LRMDA: variants seen among roughly 807,000 people sequenced by gnomAD.
LRMDA encodes leucine-rich melanocyte differentiation-associated protein.
In LRMDA, 18 loss-of-function variants were observed where a neutral mutation model predicts 29.8. That is an observed-to-expected ratio of 0.60 (90% confidence interval 0.42 to 0.90). The LOEUF is 0.90. LRMDA is among the 40% of genes least tolerant of loss of function. The pLI is 0.00. For synonymous variants in LRMDA, 125 were observed against 109.4 expected, an observed-to-expected ratio of 1.14 and a Z score of -0.89; for missense variants, 273 against 273.9, an observed-to-expected ratio of 1.00 and a Z score of 0.02.
At chr10:75,536,798 G>C (rs1839955867) in intron 2 of LRMDA, among the ~76,000 whole-genome samples, 1 of 152,044 alleles carries the variant, frequency 6.6e-6, no homozygotes, top group Admixed American at 6.6e-5. Flanking sequence ...AGCCTCAAGT[G>C]ATCCTCTTGT....
chr10:76,290,543 C>T (rs927565848), intron 5 of LRMDA, among the ~76,000 whole-genome samples: 16 of 151,456 alleles, frequency 1.1e-4, no homozygotes, highest in Non-Finnish European at 1.6e-4. Context: ...GTGCCTCAGC[C>T]TCCCCAGTAG....
intron 6 of LRMDA, among the ~76,000 whole-genome samples, chr10:76,518,569 C>A (rs2132358580): frequency 6.6e-6 from 1 of 152,086 alleles, no homozygotes; most frequent in Non-Finnish European, 1.5e-5. Flanking sequence ...TAAAAAACTC[C>A]TGCAACTAAA....
At chr10:76,112,694 G>A (rs1201968528) in intron 5 of LRMDA, among the ~76,000 whole-genome samples, 3 of 74 alleles carry the variant, frequency 0.041, no homozygotes, top group African/African-American at 0.05. Context: ...AGGTAGGTCC[G>A]GCTCCCGGAG....
intron 2 of LRMDA, among the ~76,000 whole-genome samples, chr10:75,667,847 T>C (rs1841842683): frequency 6.6e-6 from 1 of 152,248 alleles, no homozygotes; most frequent in South Asian, 2.1e-4. Context: ...CTGTTCATTC[T>C]TTAAAGCAGA....
chr10:76,221,153 A>G (rs4746378), intron 5 of LRMDA, among the ~76,000 whole-genome samples: 11,725 of 151,934 alleles, frequency 0.077, 1,460 homozygotes, highest in African/African-American at 0.26. Context: ...TGACAAACCC[A>G]CAGCCAATAT....
intron 5 of LRMDA, among the ~76,000 whole-genome samples, chr10:76,208,800 C>T (rs1851584060): frequency 6.6e-6 from 1 of 152,166 alleles, no homozygotes; most frequent in Non-Finnish European, 1.5e-5. Flanking sequence ...TTTCACCACA[C>T]TCTGCTCAGT....
chr10:75,799,624 C>CCTGCCT (rs1369851123), intron 2 of LRMDA, among the ~76,000 whole-genome samples: 1 of 151,374 alleles, frequency 6.6e-6, no homozygotes, highest in East Asian at 1.9e-4. Context: ...AAGTGATTCT[C>CCTGCCT]CTGCCTCAGC....
chr10:76,308,247 T>A (rs1450550665), intron 5 of LRMDA, among the ~76,000 whole-genome samples: 1 of 152,146 alleles, frequency 6.6e-6, no homozygotes, highest in Non-Finnish European at 1.5e-5. Context: ...TTAAATACTG[T>A]CTTTATTATG....
chr10:76,456,770 C>A (rs1842460792), intron 6 of LRMDA, among the ~76,000 whole-genome samples: 1 of 152,048 alleles, frequency 6.6e-6, no homozygotes, highest in Non-Finnish European at 1.5e-5. Flanking sequence ...TTTCTACCTT[C>A]CCGTTGTTAA....
At chr10:76,350,372 A>G (rs1238340067) in intron 6 of LRMDA, among the ~76,000 whole-genome samples, 1 of 152,126 alleles carries the variant, frequency 6.6e-6, no homozygotes, top group African/African-American at 2.4e-5. Flanking sequence ...TATCAATTTT[A>G]TATTTTCAAA....
chr10:76,106,427 C>T (rs1225862998), intron 5 of LRMDA, among the ~76,000 whole-genome samples: 1 of 152,170 alleles, frequency 6.6e-6, no homozygotes, highest in Non-Finnish European at 1.5e-5. Context: ...ATTATTGGTT[C>T]TTCAGGCAGT....
chr10:75,462,922 A>G (rs1844604375), intron 2 of LRMDA, among the ~76,000 whole-genome samples: 1 of 152,238 alleles, frequency 6.6e-6, no homozygotes, highest in African/African-American at 2.4e-5. Context: ...GATGAGAAGC[A>G]TAATGAAATA....
intron 6 of LRMDA, among the ~76,000 whole-genome samples, chr10:76,395,248 G>A (rs1171030683): frequency 6.6e-6 from 1 of 152,156 alleles, no homozygotes; most frequent in Non-Finnish European, 1.5e-5. Flanking sequence ...ACTTTTCAGA[G>A]CTTTTGCTCA....
chr10:75,863,167 T>C (rs1006087183), intron 2 of LRMDA, among the ~76,000 whole-genome samples: 3 of 152,230 alleles, frequency 2.0e-5, no homozygotes, highest in African/African-American at 7.2e-5. Flanking sequence ...TCCTCATTTA[T>C]TTTACATACT....
intron 2 of LRMDA, among the ~76,000 whole-genome samples, chr10:75,757,987 A>G (rs1258404801): frequency 6.6e-6 from 1 of 152,108 alleles, no homozygotes; most frequent in Non-Finnish European, 1.5e-5. Context: ...TTTAGTAGAG[A>G]TGGGGTTTCA....
intron 5 of LRMDA, among the ~76,000 whole-genome samples, chr10:76,301,900 A>ATTTTCCTG (rs1309364468): frequency 6.6e-6 from 1 of 152,176 alleles, no homozygotes; most frequent in African/African-American, 2.4e-5. Flanking sequence ...GTTGTTGAGC[A>ATTTTCCTG]TTTTCCTGTG....
At chr10:75,573,101 G>C (rs1840457228) in intron 2 of LRMDA, among the ~76,000 whole-genome samples, 1 of 152,210 alleles carries the variant, frequency 6.6e-6, no homozygotes, top group Non-Finnish European at 1.5e-5. Flanking sequence ...AGCCCCAACA[G>C]ACTAATACAG....
intron 5 of LRMDA, among the ~76,000 whole-genome samples, chr10:76,265,841 T>C (rs1201606161): frequency 4.6e-5 from 7 of 152,210 alleles, no homozygotes; most frequent in Non-Finnish European, 7.3e-5. Flanking sequence ...TTATTTCCAT[T>C]TGGGTGAGGG....
At chr10:76,437,576 G>A (rs144840076) in intron 6 of LRMDA, 3 of 152,356 alleles carry the variant, frequency 2.0e-5, no homozygotes, top group Admixed American at 1.3e-4. Context: ...GTAAACAAGA[G>A]TAAAATAAGA....
Sources: gnomAD v4.1 joint callset for allele counts (sites outside exome capture counted in the v4.1 genomes callset) on GRCh38, gnomAD v4.1.1 for gene constraint, MANE v1.5 for transcripts, NCBI Gene and HGNC (gene_info 2026-07-23, HGNC 2026-07-21) for gene names.